CALN1: variants seen among roughly 807,000 people sequenced by gnomAD.
The protein encoded by CALN1 is calneuron 1.
CALN1 carries 17 observed loss-of-function variants against 30.6 expected under a neutral mutation model. The ratio of observed to expected loss-of-function variants is 0.56; its 90% CI spans 0.38 to 0.83. CALN1 has a LOEUF of 0.83. Among genes scored for constraint, CALN1 ranks in the 40% least tolerant of loss-of-function variants. CALN1 has a pLI of 0.00. For synonymous variants in CALN1, 156 were observed against 131.4 expected, an observed-to-expected ratio of 1.19 and a Z score of -1.28; for missense variants, 291 against 354.9, an observed-to-expected ratio of 0.82 and a Z score of 1.45.
At chr7:72,485,317 G>C in the CALN1 span, among the ~76,000 whole-genome samples, 1 of 152,194 alleles carries the variant, frequency 6.6e-6, no homozygotes, top group African/African-American at 2.4e-5. Flanking sequence ...CCAACACTTT[G>C]GGAGGCCAAA....
At chr7:71,895,048 G>A (rs1262870265) in intron 5 of CALN1, among the ~76,000 whole-genome samples, 1 of 151,992 alleles carries the variant, frequency 6.6e-6, no homozygotes, top group Non-Finnish European at 1.5e-5. Flanking sequence ...TCTGCCTCCT[G>A]GGCTCAAGCG....
intron 5 of CALN1, among the ~76,000 whole-genome samples, chr7:71,880,073 G>A (rs561241047): frequency 6.6e-6 from 1 of 152,144 alleles, no homozygotes; most frequent in South Asian, 2.1e-4. Flanking sequence ...GGAGTTTGAG[G>A]CTATAGTGAG....
chr7:72,326,384 G>A (rs1026310581), intron 2 of CALN1, among the ~76,000 whole-genome samples: 1 of 152,174 alleles, frequency 6.6e-6, no homozygotes, highest in Non-Finnish European at 1.5e-5. Flanking sequence ...CTACATCTCT[G>A]TTTCTTCATC....
intron 5 of CALN1, among the ~76,000 whole-genome samples, chr7:71,860,570 T>C (rs964781502): frequency 2.8e-4 from 42 of 152,300 alleles, no homozygotes; most frequent in African/African-American, 9.1e-4. Context: ...AATTCTTTCT[T>C]GGGTGAGATC....
At chr7:72,170,975 T>C (rs147719784) in intron 3 of CALN1, among the ~76,000 whole-genome samples, 1 of 152,078 alleles carries the variant, frequency 6.6e-6, no homozygotes, top group African/African-American at 2.4e-5. Flanking sequence ...GTGGGCAACA[T>C]GGCAAGACTC....
At chr7:71,991,824 A>G (rs1351534318) in intron 5 of CALN1, among the ~76,000 whole-genome samples, 2 of 152,216 alleles carry the variant, frequency 1.3e-5, no homozygotes, top group Admixed American at 1.3e-4. Context: ...CCTTTCTTAA[A>G]AAACAAAACA....
chr7:72,384,666 A>G (rs1805101776), intron 2 of CALN1, among the ~76,000 whole-genome samples: 1 of 152,116 alleles, frequency 6.6e-6, no homozygotes, highest in African/African-American at 2.4e-5. Context: ...AGTAAAAGCA[A>G]AATGGATCAT....
chr7:72,017,627 G>A (rs866207694), intron 5 of CALN1, among the ~76,000 whole-genome samples: 1 of 152,136 alleles, frequency 6.6e-6, no homozygotes, highest in Admixed American at 6.5e-5. Flanking sequence ...GAGCTATTAT[G>A]GGCTTCTTGT....
intron 4 of CALN1, among the ~76,000 whole-genome samples, chr7:72,044,160 T>C (rs982547190): frequency 1.3e-5 from 2 of 152,082 alleles, no homozygotes; most frequent in South Asian, 2.1e-4. Flanking sequence ...GGTAGGCTGA[T>C]TGCACTTCCT....
intron 3 of CALN1, among the ~76,000 whole-genome samples, chr7:72,189,336 CCTA>C (rs1333586906): frequency 6.6e-6 from 1 of 152,132 alleles, no homozygotes; most frequent in East Asian, 1.9e-4. Flanking sequence ...TTGCTTTACT[CCTA>C]CTTTTACAGA....
chr7:72,135,633 T>C (rs1170753480), intron 3 of CALN1, among the ~76,000 whole-genome samples: 2 of 152,218 alleles, frequency 1.3e-5, no homozygotes, highest in Non-Finnish European at 2.9e-5. Flanking sequence ...TGTTGTTTCA[T>C]GTCTAGAGCA....
the CALN1 span, among the ~76,000 whole-genome samples, chr7:72,452,433 A>G: frequency 6.6e-6 from 1 of 152,094 alleles, no homozygotes; most frequent in African/African-American, 2.4e-5. Flanking sequence ...TTCTCACTCT[A>G]TTAGTTAACA....
chr7:72,338,525 G>GTGTGTGTGTGTGTGTGTGTCTGTC, intron 2 of CALN1, among the ~76,000 whole-genome samples: 1,797 of 122,084 alleles, frequency 0.015, 166 homozygotes, highest in Non-Finnish European at 0.019. Context: ...GTGTGTGTGT[G>GTGTGTGTGTGTGTGTGTGTCTGTC]TGTCTCACCT....
Position 71,847,709 on chromosome 7 carries a change from AAAGAAGAAAG to A in CALN1, c.502-37227_502-37218del, listed in dbSNP as rs1270465342. 2.5e-3 allele frequency among the ~76,000 whole-genome samples: 292 copies of A among 118,908 alleles called. 2 individuals are homozygous for A. The highest frequency in any genetic ancestry group is 0.011 in the African/African-American group (270 of 23,808). 78.0% of individuals were successfully genotyped at this position (118,908 alleles called of 152,430 possible). On this transcript the variant is annotated intron_variant, in intron 5 of 6. Transcript: ENST00000395275. ...AAAAAAAGGAGGAAGAAGAAAGAAG[AAAGAAGAAAG>A]AAGAAGAAAGAAGAAAGAAGAAAGA...
At chr7:72,160,558 C>T (rs1182263881) in intron 3 of CALN1, among the ~76,000 whole-genome samples, 1 of 152,136 alleles carries the variant, frequency 6.6e-6, no homozygotes, top group East Asian at 1.9e-4. Context: ...GGATTACAGG[C>T]ATGAGCTACC....
At chr7:72,468,147 T>C in the CALN1 span, among the ~76,000 whole-genome samples, 1 of 152,226 alleles carries the variant, frequency 6.6e-6, no homozygotes, top group Non-Finnish European at 1.5e-5. Context: ...CAGTCTTCCA[T>C]TGTTGGACAT....
chr7:71,965,784 G>A (rs1562941692), intron 5 of CALN1, among the ~76,000 whole-genome samples: 1 of 151,940 alleles, frequency 6.6e-6, no homozygotes, highest in Non-Finnish European at 1.5e-5. Context: ...TTGCAGCTAT[G>A]TTCTGGGGCA....
intron 3 of CALN1, among the ~76,000 whole-genome samples, chr7:72,114,266 A>G: frequency 3.0e-5 from 2 of 66,172 alleles, no homozygotes; most frequent in Non-Finnish European, 2.8e-5. Flanking sequence ...AGGGAAGGGA[A>G]GGGAAGGGAA....
At chr7:71,888,134 T>TA (rs1357344109) in intron 5 of CALN1, among the ~76,000 whole-genome samples, 1 of 151,940 alleles carries the variant, frequency 6.6e-6, no homozygotes, top group Admixed American at 6.6e-5. Context: ...GGCAATGTAA[T>TA]ATAAGAAGAG....
Sources: gnomAD v4.1 joint callset for allele counts (sites outside exome capture counted in the v4.1 genomes callset) on GRCh38, gnomAD v4.1.1 for gene constraint, MANE v1.5 for transcripts, NCBI Gene and HGNC (gene_info 2026-07-23, HGNC 2026-07-21) for gene names.